Variants in EPHA3 observed in about 807,000 individuals in gnomAD.
EPHA3 encodes the protein EPH receptor A3, also known as ephrin type-A receptor 3.
A neutral mutation model predicts 107.1 loss-of-function variants in EPHA3; 42 were observed. The observed-to-expected ratio is 0.39, with a 90% confidence interval of 0.31 to 0.51. EPHA3 has a LOEUF of 0.51. Ranked by LOEUF, EPHA3 falls within the 20% of genes least tolerant of loss-of-function variation. The probability of loss-of-function intolerance (pLI) is 0.78; values close to 1 mark genes in which losing one functional copy is unlikely to be tolerated. For synonymous variants in EPHA3, 461 were observed against 424.8 expected, an observed-to-expected ratio of 1.09 and a Z score of -1.05; for missense variants, 1,183 against 1,211.2, an observed-to-expected ratio of 0.98 and a Z score of 0.35.
Position 89,220,853 on chromosome 3 carries a change from C to T in EPHA3, c.814+10333C>T, listed in dbSNP as rs1704356247. Among the ~76,000 whole-genome samples the T allele has an allele frequency of 2.0e-5, 3 of 152,152 alleles. No homozygotes were observed. In the South Asian group the frequency reaches 6.2e-4, roughly 31 times the overall value. ...TCCTTTGACAATTAGAGTGGCTCTT[C>T]GATATCAGCTGTTTCTTTTAAAAAT... On this transcript the variant is annotated intron_variant, in intron 3 of 16. Transcript: ENST00000336596.
At chr3:89,301,438 C>T (rs1243754511) in intron 3 of EPHA3, among the ~76,000 whole-genome samples, 2 of 151,972 alleles carry the variant, frequency 1.3e-5, no homozygotes, top group Admixed American at 1.3e-4. Flanking sequence ...TAAACAGAGA[C>T]TAGTACATTA....
chr3:89,373,467 T>A (rs1576343107), intron 5 of EPHA3, among the ~76,000 whole-genome samples: 1 of 151,994 alleles, frequency 6.6e-6, no homozygotes, highest in Non-Finnish European at 1.5e-5. Context: ...GTGTAATAAT[T>A]GTGAAATGGC....
chr3:89,356,191 C>T (rs1576332806), intron 5 of EPHA3, among the ~76,000 whole-genome samples: 1 of 150,892 alleles, frequency 6.6e-6, no homozygotes, highest in South Asian at 2.1e-4. Flanking sequence ...GCATAGTATT[C>T]CATGGTGTAT....
At chr3:89,219,696 TTTTTTTG>T (rs1196612620) in intron 3 of EPHA3, among the ~76,000 whole-genome samples, 2 of 12,524 alleles carry the variant, frequency 1.6e-4, no homozygotes, top group East Asian at 3.5e-3. Context: ...ATGTTTTTTT[TTTTTTTG>T]TTTTTTGTTT....
intron 2 of EPHA3, among the ~76,000 whole-genome samples, chr3:89,139,274 G>T (rs1305337846): frequency 6.6e-6 from 1 of 151,810 alleles, no homozygotes; most frequent in Non-Finnish European, 1.5e-5. Context: ...GGAATCCCAG[G>T]AAAACTGATA....
intron 3 of EPHA3, among the ~76,000 whole-genome samples, chr3:89,243,712 C>G (rs1027418978): frequency 1.3e-5 from 2 of 152,078 alleles, no homozygotes; most frequent in African/African-American, 4.8e-5. Context: ...CTGTAGGTTG[C>G]GTGTTCACTC....
chr3:89,237,287 G>C (rs117553655), intron 3 of EPHA3, among the ~76,000 whole-genome samples: 2 of 152,158 alleles, frequency 1.3e-5, no homozygotes, highest in African/African-American at 4.8e-5. Context: ...CATGAGAATC[G>C]CTCGAACCAA....
At chr3:89,456,101 A>T (rs1302878202) in intron 15 of EPHA3, among the ~76,000 whole-genome samples, 2 of 152,208 alleles carry the variant, frequency 1.3e-5, no homozygotes, top group African/African-American at 2.4e-5. Context: ...TATAGAAAAA[A>T]TTCCAGTGTT....
chr3:89,359,615 A>G (rs1286374000), intron 5 of EPHA3, among the ~76,000 whole-genome samples: 1 of 149,690 alleles, frequency 6.7e-6, no homozygotes, highest in African/African-American at 2.4e-5. Context: ...CAGATAATAT[A>G]TATTCCTCTA....
At chr3:89,222,884 C>A (rs1196198025) in intron 3 of EPHA3, among the ~76,000 whole-genome samples, 1 of 152,148 alleles carries the variant, frequency 6.6e-6, no homozygotes, top group Non-Finnish European at 1.5e-5. Flanking sequence ...TTGCAGACTT[C>A]TTAAGTATCT....
chr3:89,107,764 T>C lies in EPHA3; in HGVS notation c.16T>C (p.Ser6Pro), dbSNP rs1707005715. The C allele has an allele frequency of 6.2e-7, 1 of 1,614,170 alleles. No homozygotes were observed. The highest frequency in any genetic ancestry group is 1.6e-4 in the Middle Eastern group (1 of 6,062). MDCQL[S>P]ILLLLSCSVL... ...CACCAGCAACATGGATTGTCAGCTCTCCATCCTCCTCCTTCTCAGCTGCTC... is the reference window on the plus strand; with the variant it reads ...CACCAGCAACATGGATTGTCAGCTCCCCATCCTCCTCCTTCTCAGCTGCTC... The change falls in exon 1 of 17, where the codon TCC becomes CCC. Residue 6 changes from serine (S) to proline (P), a missense_variant. Physicochemically the swap from Ser to Pro is moderately conservative, Grantham distance 74. Transcript: ENST00000336596.
intron 3 of EPHA3, among the ~76,000 whole-genome samples, chr3:89,294,172 A>G (rs567631489): frequency 6.6e-6 from 1 of 152,200 alleles, no homozygotes; most frequent in South Asian, 2.1e-4. Context: ...CAAATTTTAT[A>G]GTTTTAGGTT....
chr3:89,240,288 C>G (rs1704864256), intron 3 of EPHA3, among the ~76,000 whole-genome samples: 1 of 152,144 alleles, frequency 6.6e-6, no homozygotes. Context: ...CCTCCAGTAA[C>G]TATAATGCCT....
At chr3:89,150,469 G>A (rs1704668103) in intron 2 of EPHA3, among the ~76,000 whole-genome samples, 1 of 151,906 alleles carries the variant, frequency 6.6e-6, no homozygotes. Flanking sequence ...TATCAATAGA[G>A]GGTACCCATG....
chr3:89,445,475 C>G (rs1371566064), intron 13 of EPHA3, among the ~76,000 whole-genome samples: 1 of 151,970 alleles, frequency 6.6e-6, no homozygotes, highest in Non-Finnish European at 1.5e-5. Context: ...ATCTGGCCAG[C>G]GAGGAAAAGA....
chr3:89,456,643 G>T (rs1189177378), intron 15 of EPHA3, among the ~76,000 whole-genome samples: 1 of 152,138 alleles, frequency 6.6e-6, no homozygotes, highest in Non-Finnish European at 1.5e-5. Flanking sequence ...TGGAAGTGGG[G>T]AAGGTGGAAA....
intron 5 of EPHA3, among the ~76,000 whole-genome samples, chr3:89,375,217 T>C (rs1315154600): frequency 6.6e-6 from 1 of 151,756 alleles, no homozygotes; most frequent in African/African-American, 2.4e-5. Flanking sequence ...TGTTAAAGTG[T>C]CTTGAAAACC....
chr3:89,340,924 C>T lies in EPHA3; in HGVS notation c.823C>T (p.Pro275Ser), dbSNP rs201468736. ...AGTCATTTTGTTTGTAGCTTGTCGACCAGGTTTCTACAAGGCATTGGATGG... is the reference window on the plus strand; with the variant it reads ...AGTCATTTTGTTTGTAGCTTGTCGATCAGGTTTCTACAAGGCATTGGATGG... ...ERGFMCQACRPGFYKALDGNM... is the reference protein window; with the variant it reads ...ERGFMCQACRSGFYKALDGNM... The change falls in exon 4 of 17, where the codon CCA becomes TCA. Residue 275 changes from proline (P) to serine (S), a missense_variant. Transcript: ENST00000336596. 4 of 1,601,238 alleles carry T rather than the reference C, an allele frequency of 2.5e-6. No homozygotes were observed. The East Asian group carries it at 9.1e-5, about 36-fold the overall frequency.
intron 2 of EPHA3, among the ~76,000 whole-genome samples, chr3:89,132,344 C>T (rs993851079): frequency 3.3e-5 from 5 of 152,198 alleles, no homozygotes; most frequent in African/African-American, 1.2e-4. Flanking sequence ...GGCATCCTTA[C>T]AGGATAGAAT....
Sources: gnomAD v4.1 joint callset for allele counts (sites outside exome capture counted in the v4.1 genomes callset) on GRCh38, gnomAD v4.1.1 for gene constraint, MANE v1.5 for transcripts, NCBI Gene and HGNC (gene_info 2026-07-23, HGNC 2026-07-21) for gene names.